OPHN1: variants seen among roughly 807,000 people sequenced by gnomAD.
OPHN1 encodes oligophrenin-1.
OPHN1 carries 11 observed loss-of-function variants against 60.7 expected under a neutral mutation model. The observed-to-expected ratio is 0.18, with a 90% CI of 0.11 to 0.30. The LOEUF is 0.30. OPHN1 is among the 10% of genes least tolerant of loss of function. The pLI, the probability that OPHN1 is intolerant of heterozygous loss-of-function variation, is 1.00. For missense variants in OPHN1, 449 were observed against 611.0 expected, an observed-to-expected ratio of 0.73 and a Z score of 2.80; for synonymous variants, 226 against 222.6, an observed-to-expected ratio of 1.02 and a Z score of -0.14.
chrX:68,293,645 C>T (rs1174435822), intron 3 of OPHN1, among the ~76,000 whole-genome samples: 1 of 112,030 alleles, frequency 8.9e-6, no homozygotes, highest in Non-Finnish European at 1.9e-5. Flanking sequence ...AAGAACTATG[C>T]TATCAGGGTT....
At position 68,068,367 on chromosome X, in the gene OPHN1, A is replaced by T. The variant is rs184192427; in HGVS notation, c.1835-4190T>A. ...GCACCTGTAATCCCAGCTACTCGGG[A>T]GGCTGAGGCAGGAGAATCACATGAA... On this transcript the variant is annotated intron_variant, in intron 20 of 24. Transcript: ENST00000355520. Among the ~76,000 whole-genome samples, 19 of 103,019 alleles carry T rather than the reference A, an allele frequency of 1.8e-4. No homozygotes were observed. In the East Asian group the frequency reaches 6.2e-3, roughly 34 times the overall value. 89.5% of individuals were successfully genotyped at this position (103,019 alleles called of 115,157 possible). A position where few individuals can be genotyped will look rare whatever the true frequency, so the allele number is the denominator to read the frequency against.
At chrX:68,364,071 C>T (rs1400157901) in intron 2 of OPHN1, among the ~76,000 whole-genome samples, 5 of 111,839 alleles carry the variant, frequency 4.5e-5, no homozygotes, top group Non-Finnish European at 5.6e-5. Context: ...ATATGCTGTA[C>T]GAGAGACTGG....
chrX:68,370,288 T>G (rs1051995849), intron 2 of OPHN1, among the ~76,000 whole-genome samples: 1 of 109,209 alleles, frequency 9.2e-6, no homozygotes, highest in Non-Finnish European at 1.9e-5. Flanking sequence ...GGTGGATCAT[T>G]TGAAGTTAGG....
chrX:68,174,247 CAA>C (rs2077403961), intron 15 of OPHN1, among the ~76,000 whole-genome samples: 1 of 111,158 alleles, frequency 9.0e-6, no homozygotes, highest in African/African-American at 3.3e-5. Flanking sequence ...CCCTTTATAA[CAA>C]GAGGCAAAAT....
chrX:68,208,113 CA>C (rs1389584778), intron 9 of OPHN1, among the ~76,000 whole-genome samples: 1 of 106,103 alleles, frequency 9.4e-6, no homozygotes, highest in Admixed American at 1.0e-4. Flanking sequence ...ATTTTTGAGA[CA>C]GAGTCTCACT....
chrX:68,336,462 G>A (rs1349259688), intron 2 of OPHN1: 3 of 110,834 alleles, frequency 2.7e-5, no homozygotes, highest in Non-Finnish European at 5.7e-5. Context: ...GCTGAGGTAG[G>A]AGGATTGTCT....
chrX:68,407,729 G>C (rs2078750554), intron 2 of OPHN1, among the ~76,000 whole-genome samples: 1 of 111,386 alleles, frequency 9.0e-6, no homozygotes. Context: ...CTATAAATTA[G>C]GTATAACAAT....
Position 68,056,414 on chromosome X carries a change from G to A in OPHN1, c.2159-2604C>T, listed in dbSNP as rs557486136. ...TTCATCCATCTAGCCATTCTGGTGA[G>A]CAAGATATATATGTAAAGAAATAAT... On this transcript the variant is annotated intron_variant, in intron 21 of 24. Coordinates refer to ENST00000355520, the MANE Select transcript of OPHN1 (RefSeq NM_002547.3). Among the ~76,000 whole-genome samples the A allele has an allele frequency of 5.4e-5, 6 of 111,574 alleles. No homozygotes were observed. In the South Asian group the frequency reaches 2.3e-3, roughly 42 times the overall value.
chrX:68,067,399 TG>T (rs1268300826), intron 20 of OPHN1, among the ~76,000 whole-genome samples: 3 of 110,213 alleles, frequency 2.7e-5, no homozygotes, highest in Non-Finnish European at 3.8e-5. Context: ...TGCAATAAGT[TG>T]GGGCTATATC....
chrX:68,371,780 G>C (rs191508930), intron 2 of OPHN1, among the ~76,000 whole-genome samples: 1 of 110,602 alleles, frequency 9.0e-6, no homozygotes, highest in African/African-American at 3.3e-5. Flanking sequence ...TCAGTCACCC[G>C]GGCTGCCGGG....
At chrX:68,255,736 C>A (rs1286573909) in intron 5 of OPHN1, among the ~76,000 whole-genome samples, 12 of 109,930 alleles carry the variant, frequency 1.1e-4, no homozygotes, top group Non-Finnish European at 2.3e-4. Context: ...CACACACACA[C>A]ACAAACACAC....
At chrX:68,117,573 G>A (rs1442154550) in intron 16 of OPHN1, among the ~76,000 whole-genome samples, 1 of 111,750 alleles carries the variant, frequency 8.9e-6, no homozygotes, top group African/African-American at 3.3e-5. Context: ...AGATGTATGT[G>A]GCTGGAGCAT....
At chrX:68,228,732 A>G (rs1428948106) in intron 6 of OPHN1, among the ~76,000 whole-genome samples, 1 of 111,228 alleles carries the variant, frequency 9.0e-6, no homozygotes, top group African/African-American at 3.3e-5. Flanking sequence ...TAAAAACTCT[A>G]AACAAACTAG....
chrX:68,214,762 C>T (rs1486484121), intron 6 of OPHN1, among the ~76,000 whole-genome samples: 4 of 111,562 alleles, frequency 3.6e-5, no homozygotes, highest in Non-Finnish European at 5.7e-5. Context: ...TTTGGGAGGC[C>T]GAGGTGGGTA....
intron 2 of OPHN1, among the ~76,000 whole-genome samples, chrX:68,328,400 C>G (rs1379325208): frequency 9.7e-6 from 1 of 103,263 alleles, no homozygotes. Flanking sequence ...AGTGCTGGGA[C>G]TGCAGGCGTG....
At chrX:68,353,018 G>A (rs1277470812) in intron 2 of OPHN1, among the ~76,000 whole-genome samples, 1 of 109,143 alleles carries the variant, frequency 9.2e-6, no homozygotes, top group African/African-American at 3.3e-5. Context: ...CAGGCGTGGT[G>A]GCTTGCACCT....
rs148055238 is a variant in OPHN1 at position 68,079,263 on chromosome X, A to G, written c.1687-5964T>C. Among the ~76,000 whole-genome samples, 58 of 109,936 alleles carry G rather than the reference A, an allele frequency of 5.3e-4. No homozygotes were observed. In the East Asian group the frequency reaches 0.016, roughly 31 times the overall value. On this transcript the variant is annotated intron_variant, in intron 19 of 24. Coordinates refer to ENST00000355520, the MANE Select transcript of OPHN1 (RefSeq NM_002547.3). Reference sequence around the variant, plus strand: ...AGTCTCTCCTGTCTGAACCCAAGCTACTCTCCACTGCCATCACATTCATTT... The same window carrying G: ...AGTCTCTCCTGTCTGAACCCAAGCTGCTCTCCACTGCCATCACATTCATTT...
intron 2 of OPHN1, among the ~76,000 whole-genome samples, chrX:68,412,553 G>A (rs1358840633): frequency 8.9e-6 from 1 of 111,872 alleles, no homozygotes; most frequent in East Asian, 2.8e-4. Context: ...GAGTTCTGGA[G>A]ATGGGTGGTG....
At chrX:68,151,382 T>C (rs758801324) in intron 15 of OPHN1, among the ~76,000 whole-genome samples, 3 of 112,189 alleles carry the variant, frequency 2.7e-5, no homozygotes, top group African/African-American at 9.7e-5. Flanking sequence ...CCAGTCTTAG[T>C]AGGTATGAGT....
Sources: gnomAD v4.1 joint callset for allele counts (sites outside exome capture counted in the v4.1 genomes callset) on GRCh38, gnomAD v4.1.1 for gene constraint, MANE v1.5 for transcripts, NCBI Gene and HGNC (gene_info 2026-07-23, HGNC 2026-07-21) for gene names.